SAAL1: variants seen among roughly 807,000 people sequenced by gnomAD.
The protein encoded by SAAL1 is serum amyloid A like 1, also known as protein SAAL1.
SAAL1 carries 42 observed loss-of-function variants against 59.8 expected under a neutral mutation model. That is an observed-to-expected ratio of 0.70 (90% CI 0.55 to 0.91). The LOEUF (loss-of-function observed/expected upper bound fraction) is 0.91, where lower values mean the gene tolerates loss of function less well. SAAL1 is among the 40% of genes least tolerant of loss of function. The probability of loss-of-function intolerance (pLI) is 0.00; values close to 1 mark genes in which losing one functional copy is unlikely to be tolerated. For missense variants in SAAL1, 542 were observed against 561.1 expected (o/e 0.97, Z 0.34); for synonymous variants, 191 against 194.3 (o/e 0.98, Z 0.14).
chr11:18,105,118 C>G (rs1848674089), intron 1 of SAAL1, among the ~76,000 whole-genome samples: 1 of 151,854 alleles, frequency 6.6e-6, no homozygotes, highest in African/African-American at 2.4e-5. Flanking sequence ...AATTAAGGGA[C>G]AAATAGAGGT....
At chr11:18,090,841 A>G (rs1015426786) in intron 4 of SAAL1, 2 of 165,826 alleles carry the variant, frequency 1.2e-5, no homozygotes, top group Non-Finnish European at 2.6e-5. Context: ...TGCAGGTAAA[A>G]GGATTAAGAG....
At chr11:18,088,356 G>GT (rs1425851394) in intron 7 of SAAL1, among the ~76,000 whole-genome samples, 1 of 152,144 alleles carries the variant, frequency 6.6e-6, no homozygotes, top group Non-Finnish European at 1.5e-5. Flanking sequence ...CCCAGGTGAT[G>GT]TATGTAGTAC....
chr11:18,099,367 G>A (rs572318506), intron 2 of SAAL1, among the ~76,000 whole-genome samples: 25 of 152,216 alleles, frequency 1.6e-4, no homozygotes, highest in Admixed American at 7.8e-4. Context: ...AACCTAATAG[G>A]CACTGTTTTA....
At chr11:18,096,158 G>A (rs768036124) in intron 3 of SAAL1, among the ~76,000 whole-genome samples, 1 of 152,178 alleles carries the variant, frequency 6.6e-6, no homozygotes, top group Non-Finnish European at 1.5e-5. Context: ...CATACTAGCA[G>A]CATAACAGTG....
At chr11:18,093,636 G>A (rs1433235195) in intron 3 of SAAL1, among the ~76,000 whole-genome samples, 2 of 152,130 alleles carry the variant, frequency 1.3e-5, no homozygotes, top group African/African-American at 4.8e-5. Flanking sequence ...TTAGGTGATA[G>A]GTACTAATAG....
chr11:18,104,565 C>A (rs554732943), intron 1 of SAAL1, among the ~76,000 whole-genome samples: 1 of 151,920 alleles, frequency 6.6e-6, no homozygotes, highest in South Asian at 2.1e-4. Flanking sequence ...AAACGATGGA[C>A]CAATGACCTA....
chr11:18,080,672 T>C (rs981015712), intron 11 of SAAL1, among the ~76,000 whole-genome samples, 181 bp from the exon 12 acceptor site: 2 of 152,236 alleles, frequency 1.3e-5, no homozygotes, highest in Admixed American at 1.3e-4. Flanking sequence ...GAAATGACTA[T>C]GCTTTCCCAT....
chr11:18,090,324 T>C (rs770484667), intron 5 of SAAL1, 34 bp from the exon 6 acceptor site: 2 of 1,376,646 alleles, frequency 1.5e-6, no homozygotes, highest in Admixed American at 3.0e-5. Flanking sequence ...TTTCTACTTT[T>C]CAAAAAAAAA....
chr11:18,101,820 TAA>T (rs58015469), intron 2 of SAAL1, among the ~76,000 whole-genome samples: 55,227 of 112,996 alleles, frequency 0.49, 10,591 homozygotes, highest in Middle Eastern at 0.55. Flanking sequence ...CATTCAGCAA[TAA>T]AAAAAAAAAA....
intron 3 of SAAL1, 30 bp downstream of exon 3, chr11:18,096,738 AAAG>A (rs761835961): frequency 1.8e-6 from 2 of 1,121,254 alleles, no homozygotes; most frequent in South Asian, 1.2e-5. Context: ...TTATTGCTTC[AAAG>A]AAGAAGGCTT....
At chr11:18,090,540 A>C in intron 4 of SAAL1, 47 bp from the exon 5 acceptor site, 1 of 1,569,396 alleles carries the variant, frequency 6.4e-7, no homozygotes. Flanking sequence ...TCTCGCATTT[A>C]AAATATCAGA....
intron 11 of SAAL1, among the ~76,000 whole-genome samples, 169 bp downstream of exon 11, chr11:18,081,242 C>A (rs551291189): frequency 1.4e-4 from 21 of 152,052 alleles, no homozygotes; most frequent in African/African-American, 4.8e-4. Context: ...TGAGAACATA[C>A]GGTATTTGGT....
chr11:18,097,238 A>G (rs2134063151), intron 2 of SAAL1, among the ~76,000 whole-genome samples: 1 of 151,970 alleles, frequency 6.6e-6, no homozygotes, highest in Non-Finnish European at 1.5e-5. Flanking sequence ...CTCTGTCTCC[A>G]AAAAAAATAA....
At chr11:18,081,529 CA>C (rs777850455) in intron 10 of SAAL1, 26 bp from the exon 11 acceptor site, 1 of 1,587,916 alleles carries the variant, frequency 6.3e-7, no homozygotes, top group South Asian at 1.1e-5. Context: ...GATTTAATGT[CA>C]AAAAAGGAAA....
chr11:18,099,875 G>A (rs550323798), intron 2 of SAAL1, among the ~76,000 whole-genome samples: 1 of 152,288 alleles, frequency 6.6e-6, no homozygotes, highest in South Asian at 2.1e-4. Flanking sequence ...GTTACAGAAC[G>A]ATAGGCGACA....
rs1590289947 is a variant in SAAL1, at chr11:18,096,921, A to G, written c.250-67T>C. On this transcript the variant is annotated intron_variant, in intron 2 of 11. Transcript: ENST00000524803. Reference sequence around the variant, plus strand: ...CTCCCTAAACCCTAAAGCTCAGGCAACCATAAAATTCTATATTAAAATTAG... The same window carrying G: ...CTCCCTAAACCCTAAAGCTCAGGCAGCCATAAAATTCTATATTAAAATTAG... The G allele has an allele frequency of 3.8e-5, 32 of 838,132 alleles. 1 individual carries two copies. The highest frequency in any genetic ancestry group is 3.8e-4 in the East Asian group (15 of 39,416). 51.9% of individuals were successfully genotyped at this position (838,132 alleles called of 1,614,324 possible).
chr11:18,103,930 T>A (rs1848662012), intron 1 of SAAL1, among the ~76,000 whole-genome samples: 1 of 152,136 alleles, frequency 6.6e-6, no homozygotes, highest in South Asian at 2.1e-4. Context: ...TTTAACACAA[T>A]CAAAGAATAA....
chr11:18,104,592 G>T (rs1420357727), intron 1 of SAAL1, among the ~76,000 whole-genome samples: 1 of 152,064 alleles, frequency 6.6e-6, no homozygotes. Flanking sequence ...GGAGAAGATG[G>T]GGAACCTTCC....
At chr11:18,095,012 A>G (rs1462616409) in intron 3 of SAAL1, among the ~76,000 whole-genome samples, 1 of 152,184 alleles carries the variant, frequency 6.6e-6, no homozygotes, top group Non-Finnish European at 1.5e-5. Context: ...TCCCTAGGGT[A>G]AAGCTTCTCA....
Sources: gnomAD v4.1 joint callset for allele counts (sites outside exome capture counted in the v4.1 genomes callset) on GRCh38, gnomAD v4.1.1 for gene constraint, MANE v1.5 for transcripts, NCBI Gene and HGNC (gene_info 2026-07-23, HGNC 2026-07-21) for gene names.